Variants in ZNF653 observed in about 807,000 individuals in gnomAD.
ZNF653 encodes the protein zinc finger protein 653, also known as 67 kDa zinc finger protein.
In ZNF653, 37 loss-of-function variants were observed where a neutral mutation model predicts 59.9. The observed-to-expected ratio is 0.62, with a 90% CI of 0.48 to 0.81. ZNF653 has a LOEUF of 0.81. Ranked by LOEUF, ZNF653 falls within the 40% of genes least tolerant of loss-of-function variation. ZNF653 has a pLI of 0.00. For missense variants in ZNF653, 808 were observed against 881.1 expected (o/e 0.92, Z 1.05); for synonymous variants, 435 against 371.8 (o/e 1.17, Z -1.96).
chr19:11,487,031 G>A lies in ZNF653; in HGVS notation c.1299C>T (p.Ser433=), dbSNP rs148324883. Residue 433 remains serine, a synonymous_variant, in exon 5 of 9, where the codon AGC becomes AGT. Transcript: ENST00000293771. The surrounding 1 kb of genome is among the most constrained non-coding windows in gnomAD (Gnocchi z 5.1). ...TTTCATAGATGATGGCTGACATGTC[G>A]CTGCCGTCCAGCTCCTCCCCGTCCG... ...AEADGEELDG[S]DMSAIIYEIP... is the part of the protein sequence containing the mutation. 4.3e-6 allele frequency: 7 copies of A among 1,614,002 alleles called. No homozygotes were observed. The highest frequency in any genetic ancestry group is 1.6e-4 in the Middle Eastern group (1 of 6,082).
chr19:11,485,730 A>AT lies in ZNF653; in HGVS notation c.1495_1496insA (p.Val499AspfsTer29). 1 of 1,614,032 alleles carries AT rather than the reference A, an allele frequency of 6.2e-7. No individual in the cohort carries two copies. The highest frequency in any genetic ancestry group is 2.2e-5 in the East Asian group (1 of 44,840). ...CTTGCCACAGCCAGGATGAGGGCACACTTTGGTCTTTCCTTTCCGATGCAC... is the reference window on the plus strand; with the variant it reads ...CTTGCCACAGCCAGGATGAGGGCACATCTTTGGTCTTTCCTTTCCGATGCAC... On this transcript the variant is annotated frameshift_variant, in exon 7 of 9. Coordinates refer to ENST00000293771, the MANE Select transcript of ZNF653 (RefSeq NM_138783.4). LOFTEE classifies it high-confidence loss of function.
At chr19:11,489,004 A>C (rs1568394297) in intron 3 of ZNF653, among the ~76,000 whole-genome samples, 2 of 150,800 alleles carry the variant, frequency 1.3e-5, no homozygotes, top group Non-Finnish European at 2.9e-5. Context: ...GGTTCAAGCG[A>C]TTCTCCTGCC....
intron 2 of ZNF653, 107 bp downstream of exon 2, chr19:11,498,189 T>A: frequency 6.6e-7 from 1 of 1,504,936 alleles, no homozygotes; most frequent in Non-Finnish European, 9.2e-7. Context: ...CTCTGCTGGT[T>A]CCAACTGTGC....
chr19:11,503,132 C>A (rs1971665139), intron 1 of ZNF653, among the ~76,000 whole-genome samples: 1 of 152,170 alleles, frequency 6.6e-6, no homozygotes, highest in Non-Finnish European at 1.5e-5. Context: ...AGGCTCCCAC[C>A]TCACTGGGAG....
At chr19:11,498,770 T>C (rs919797408) in intron 1 of ZNF653, among the ~76,000 whole-genome samples, 1 of 148,166 alleles carries the variant, frequency 6.7e-6, no homozygotes, top group African/African-American at 2.5e-5. Flanking sequence ...TTTGAGACAA[T>C]GTCTGTCTCT....
At chr19:11,504,992 C>A (rs1971693477) in intron 1 of ZNF653, 1 of 154,562 alleles carries the variant, frequency 6.5e-6, no homozygotes, top group South Asian at 1.9e-4. Context: ...TGAAGGGTCC[C>A]CCGGATGTGT....
At chr19:11,501,884 T>C (rs1971648984) in intron 1 of ZNF653, among the ~76,000 whole-genome samples, 1 of 152,118 alleles carries the variant, frequency 6.6e-6, no homozygotes, top group South Asian at 2.1e-4. Context: ...AAACTCTGCC[T>C]CCTGGGTTCA....
At chr19:11,502,656 C>A (rs1034381150) in intron 1 of ZNF653, among the ~76,000 whole-genome samples, 11 of 151,944 alleles carry the variant, frequency 7.2e-5, no homozygotes, top group Non-Finnish European at 1.6e-4. Flanking sequence ...TATAGCAAGA[C>A]TGCATCTCAA....
intron 6 of ZNF653, 81 bp from the exon 7 acceptor site, chr19:11,485,851 G>C: frequency 8.8e-7 from 1 of 1,137,026 alleles, no homozygotes; most frequent in East Asian, 2.4e-5. Flanking sequence ...AGGGCAGCTG[G>C]AAGGCAGGCT....
intron 1 of ZNF653, among the ~76,000 whole-genome samples, chr19:11,499,294 C>T (rs1225895538): frequency 2.0e-5 from 3 of 152,208 alleles, no homozygotes; most frequent in Admixed American, 1.3e-4. Context: ...GACACATGCC[C>T]TGTGTGATCC....
intron 3 of ZNF653, among the ~76,000 whole-genome samples, chr19:11,492,493 C>T (rs1246968251): frequency 6.6e-6 from 1 of 151,908 alleles, no homozygotes; most frequent in Non-Finnish European, 1.5e-5. Flanking sequence ...GGGAGAGGTG[C>T]ACCACCATGC....
intron 1 of ZNF653, among the ~76,000 whole-genome samples, chr19:11,501,825 C>T (rs1372148862): frequency 1.3e-5 from 2 of 152,142 alleles, no homozygotes; most frequent in African/African-American, 2.4e-5. Flanking sequence ...GATAGAGCCT[C>T]GCTCTGTTGC....
rs781680352 is a variant in ZNF653 at position 11,498,317 on chromosome 19, T to G, written c.322A>C (p.Lys108Gln). 1.9e-6 allele frequency: 3 copies of G among 1,613,956 alleles called. No individual in the cohort carries two copies. Among genetic ancestry groups the G allele is most frequent in the African/African-American group, 2.7e-5 (2 of 74,930 alleles). ...TTACTTTTCTTCCGCTTTGGCTTTT[T>G]GGGGACCTGCTCCCAAGGCTTCCTG... ...RHGKPWEQVPKKPKRKKRRRR... is the reference protein window; with the variant it reads ...RHGKPWEQVPQKPKRKKRRRR... Residue 108 changes from lysine (K) to glutamine (Q), a missense_variant, in exon 2 of 9, where the codon AAA becomes CAA. By Grantham distance (53) the Lys-to-Gln change is moderately conservative. Transcript: ENST00000293771.
chr19:11,485,893 G>A, intron 6 of ZNF653, 123 bp from the exon 7 acceptor site: 2 of 724,178 alleles, frequency 2.8e-6, no homozygotes, highest in Non-Finnish European at 4.9e-6. Flanking sequence ...AGGGAAGAGG[G>A]GTACCCTTGC....
At position 11,505,810 on chromosome 19, in the gene ZNF653, TC is replaced by T; in HGVS notation, c.-25del. ...ATCCCCCCCACCCTGGTTACCAGCC[TC>T]CCCCGTTGTTAGGAGCCAGACCGGA... On this transcript the variant is annotated 5_prime_UTR_variant, in exon 1 of 9. Transcript: ENST00000293771. The T allele has an allele frequency of 2.4e-6, 3 of 1,244,222 alleles. No individual in the cohort carries two copies. Among genetic ancestry groups the T allele is most frequent in the Non-Finnish European group, 3.0e-6 (3 of 988,200 alleles). The allele number at this position is 1,244,222 out of a possible 1,614,324, so 77.1% of individuals were successfully genotyped here.
chr19:11,495,051 G>T lies in ZNF653; in HGVS notation c.559+899C>A, dbSNP rs1006904797. ...CCCACCCGGAACACCTCTCGCCCCC[G>T]GCTTCCCCTCGGCCAGCTGGGATGC... is the stretch of plus-strand genomic sequence containing the variant. On this transcript the variant is annotated intron_variant, in intron 3 of 8. Coordinates refer to ENST00000293771, the MANE Select transcript of ZNF653 (RefSeq NM_138783.4). The surrounding 1 kb of genome is among the most constrained non-coding windows in gnomAD (Gnocchi z 4.9). Among the ~76,000 whole-genome samples the T allele has an allele frequency of 2.6e-5, 4 of 152,142 alleles. No individual in the cohort carries two copies. The highest frequency in any genetic ancestry group is 9.6e-5 in the African/African-American group (4 of 41,454).
chr19:11,493,120 C>T (rs541359746), intron 3 of ZNF653, among the ~76,000 whole-genome samples: 24 of 148,652 alleles, frequency 1.6e-4, no homozygotes, highest in Non-Finnish European at 2.7e-4. Context: ...TGCAGTGGTG[C>T]GATCTTGGCT....
In ZNF653 at chr19:11,487,503, G is replaced by T. The variant is rs1363435448; in HGVS notation, c.960C>A (p.Ile320=). 6.2e-7 allele frequency: 1 copy of T among 1,613,866 alleles called. No individual in the cohort carries two copies. ...MPGMVPGSQV[I]IIAGPGYDAL... is the part of the protein sequence containing the mutation. Reference sequence around the variant, plus strand: ...CGTCGTAACCAGGGCCCGCAATGATGATCACCTGTGAGCCGGGCACCATGC... The same window carrying T: ...CGTCGTAACCAGGGCCCGCAATGATTATCACCTGTGAGCCGGGCACCATGC... Residue 320 remains isoleucine (I), a synonymous_variant, in exon 4 of 9, where the codon ATC becomes ATA. Transcript: ENST00000293771. This position sits in a 1 kb window ranked among gnomAD's most constrained non-coding sequence, Gnocchi z 5.1.
At position 11,484,098 on chromosome 19, in the gene ZNF653, C is replaced by T. The variant is rs868848846; in HGVS notation, c.1614G>A (p.Lys538=). The stretch of plus-strand genomic sequence containing the variant: ...GATGTACCTCCAGGTGGTTCTTCCT[C>T]TTGAAGGACTTGCCGCAGGTCTCGC... ...FTCETCGKSF[K]RKNHLEVHRR... is the part of the protein sequence containing the mutation. The change falls in exon 8 of 9, where the codon AAG becomes AAA. Residue 538 remains lysine (K), a synonymous_variant. Transcript: ENST00000293771. The T allele has an allele frequency of 6.4e-7, 1 of 1,557,964 alleles. No homozygotes were observed. The highest frequency in any genetic ancestry group is 8.7e-7 in the Non-Finnish European group (1 of 1,150,728).
Sources: gnomAD v4.1 joint callset for allele counts (sites outside exome capture counted in the v4.1 genomes callset) on GRCh38, gnomAD v4.1.1 for gene constraint, Gnocchi (gnomAD v3.1) non-coding constraint, MANE v1.5 for transcripts, NCBI Gene and HGNC (gene_info 2026-07-23, HGNC 2026-07-21) for gene names.